Variants in ANKHD1 observed in about 807,000 individuals in gnomAD.
ANKHD1 encodes ankyrin repeat and KH domain containing 1.
ANKHD1 carries 31 observed loss-of-function variants against 230.5 expected under a neutral mutation model. The observed-to-expected ratio is 0.13, with a 90% confidence interval of 0.10 to 0.18. ANKHD1 has a LOEUF of 0.18. Among genes scored for constraint, ANKHD1 ranks in the 10% least tolerant of loss-of-function variants. The pLI is 1.00. For missense variants in ANKHD1, 2,256 were observed against 3,071.3 expected (o/e 0.73, Z 6.27); for synonymous variants, 1,074 against 1,117.6 (o/e 0.96, Z 0.78).
At chr5:140,471,421 G>A (rs1213113010) in intron 10 of ANKHD1, among the ~76,000 whole-genome samples, 1 of 152,098 alleles carries the variant, frequency 6.6e-6, no homozygotes, top group Non-Finnish European at 1.5e-5. Context: ...ATTGAAATAG[G>A]GGGTGAAATA....
Position 140,506,166 on chromosome 5 carries a change from T to A in ANKHD1, c.3408+297T>A, listed in dbSNP as rs909418482. Among the ~76,000 whole-genome samples, 1 of 152,166 alleles carries A rather than the reference T, an allele frequency of 6.6e-6. No individual in the cohort carries two copies. The highest frequency in any genetic ancestry group is 2.4e-5 in the African/African-American group (1 of 41,442). Reference sequence around the variant, plus strand: ...ATTTCAAACTCCTGGCCTCAAGCAATCCTCTCTCCTCGGCCTCCCAAAGTA... The same window carrying A: ...ATTTCAAACTCCTGGCCTCAAGCAAACCTCTCTCCTCGGCCTCCCAAAGTA... On this transcript the variant is annotated intron_variant, in intron 18 of 33. Transcript: ENST00000360839. This position sits in a 1 kb window ranked among gnomAD's most constrained non-coding sequence, Gnocchi z 4.7.
intron 1 of ANKHD1, among the ~76,000 whole-genome samples, chr5:140,402,675 C>T (rs1201427256): frequency 6.6e-6 from 1 of 152,182 alleles, no homozygotes; most frequent in Non-Finnish European, 1.5e-5. Context: ...TCTTCTTTGC[C>T]TCTCCTCAGA....
chr5:140,521,370 C>T (rs1271236308), intron 24 of ANKHD1, among the ~76,000 whole-genome samples: 1 of 152,180 alleles, frequency 6.6e-6, no homozygotes, highest in Non-Finnish European at 1.5e-5. Flanking sequence ...TGTGGTGGCT[C>T]ATGCCTGTAA....
At chr5:140,470,282 T>C (rs1776394656) in intron 10 of ANKHD1, among the ~76,000 whole-genome samples, 1 of 152,070 alleles carries the variant, frequency 6.6e-6, no homozygotes, top group African/African-American at 2.4e-5. Context: ...GTGAATACTT[T>C]CTGTCTGAAG....
At chr5:140,476,325 G>A (rs554725397) in intron 10 of ANKHD1, among the ~76,000 whole-genome samples, 42 of 152,222 alleles carry the variant, frequency 2.8e-4, no homozygotes, top group Admixed American at 7.2e-4. Flanking sequence ...TGTTTGAAGA[G>A]AATGGTGGAG....
intron 1 of ANKHD1, among the ~76,000 whole-genome samples, chr5:140,421,077 T>G (rs1175540245): frequency 6.6e-6 from 1 of 152,110 alleles, no homozygotes; most frequent in Non-Finnish European, 1.5e-5. Flanking sequence ...TTTGTTTTCC[T>G]TTTTTTAACC....
At chr5:140,442,709 T>C (rs2126925259) in intron 5 of ANKHD1, among the ~76,000 whole-genome samples, 1 of 152,328 alleles carries the variant, frequency 6.6e-6, no homozygotes, top group South Asian at 2.1e-4. Context: ...ATGCTCATTG[T>C]AAGAACATTT....
intron 1 of ANKHD1, among the ~76,000 whole-genome samples, chr5:140,426,030 T>C (rs750311876): frequency 6.6e-6 from 1 of 152,166 alleles, no homozygotes; most frequent in Non-Finnish European, 1.5e-5. Context: ...TATTCAAATA[T>C]ACATAAGAAA....
At chr5:140,439,230 G>C (rs1408057658) in intron 3 of ANKHD1, among the ~76,000 whole-genome samples, 1 of 152,148 alleles carries the variant, frequency 6.6e-6, no homozygotes, top group African/African-American at 2.4e-5. Flanking sequence ...AAAAATTTCA[G>C]CCATAGGATT....
At chr5:140,493,975 A>G (rs573746617) in intron 14 of ANKHD1, among the ~76,000 whole-genome samples, 1 of 152,250 alleles carries the variant, frequency 6.6e-6, no homozygotes, top group South Asian at 2.1e-4. Context: ...TTAGTGTTGA[A>G]CTCTTACCTA....
At chr5:140,516,257 AAAG>A (rs1753003488) in intron 24 of ANKHD1, among the ~76,000 whole-genome samples, 1 of 152,218 alleles carries the variant, frequency 6.6e-6, no homozygotes, top group Admixed American at 6.5e-5. Context: ...AAAAGAATAA[AAAG>A]AAACGAGCAA....
At chr5:140,533,100 A>T (rs1753909252) in intron 29 of ANKHD1, among the ~76,000 whole-genome samples, 1 of 151,430 alleles carries the variant, frequency 6.6e-6, no homozygotes, top group South Asian at 2.1e-4. Context: ...CTGTCTCCAA[A>T]AAAAAAAAAA....
At chr5:140,454,890 CA>C (rs1162145171) in intron 7 of ANKHD1, among the ~76,000 whole-genome samples, 1 of 151,606 alleles carries the variant, frequency 6.6e-6, no homozygotes, top group Non-Finnish European at 1.5e-5. Context: ...GATAGAGACA[CA>C]AAAAAACCCT....
chr5:140,449,866 T>G (rs540686067), intron 7 of ANKHD1, among the ~76,000 whole-genome samples: 2 of 152,288 alleles, frequency 1.3e-5, no homozygotes, highest in African/African-American at 4.8e-5. Flanking sequence ...ATTAAAATCT[T>G]AAATAGCAAA....
intron 10 of ANKHD1, among the ~76,000 whole-genome samples, chr5:140,469,381 C>T (rs909282417): frequency 1.3e-4 from 19 of 148,538 alleles, no homozygotes; most frequent in Non-Finnish European, 2.1e-4. Flanking sequence ...TGTGGTTGTG[C>T]GTGTCTGTAG....
chr5:140,538,851 A>G, intron 32 of ANKHD1, 68 bp from the exon 33 acceptor site: 4 of 1,347,794 alleles, frequency 3.0e-6, no homozygotes, highest in East Asian at 2.8e-5. Flanking sequence ...AGCTGGTATT[A>G]TGGGATTTAT....
intron 9 of ANKHD1, among the ~76,000 whole-genome samples, chr5:140,463,808 A>G (rs2126978368): frequency 6.6e-6 from 1 of 152,136 alleles, no homozygotes; most frequent in South Asian, 2.1e-4. Flanking sequence ...GGCATGTGCC[A>G]TCATGCCTGG....
chr5:140,434,161 A>T (rs937183084), intron 1 of ANKHD1, among the ~76,000 whole-genome samples: 1 of 152,156 alleles, frequency 6.6e-6, no homozygotes, highest in Non-Finnish European at 1.5e-5. Context: ...AAAATTGATG[A>T]CCAACTAGCC....
At chr5:140,518,806 A>G (rs542314437) in intron 24 of ANKHD1, among the ~76,000 whole-genome samples, 1 of 152,376 alleles carries the variant, frequency 6.6e-6, no homozygotes, top group Non-Finnish European at 1.5e-5. Context: ...AGAGCTATCT[A>G]TGACAACCCC....
Sources: gnomAD v4.1 joint callset for allele counts (sites outside exome capture counted in the v4.1 genomes callset) on GRCh38, gnomAD v4.1.1 for gene constraint, Gnocchi (gnomAD v3.1) non-coding constraint, MANE v1.5 for transcripts, NCBI Gene and HGNC (gene_info 2026-07-23, HGNC 2026-07-21) for gene names.